The following NAV2 variants were observed in gnomAD, a reference collection of about 807,000 sequenced individuals.
NAV2 encodes helicase, APC down-regulated 1.
A neutral mutation model predicts 223.2 loss-of-function variants in NAV2; 54 were observed. That is an observed-to-expected ratio of 0.24 (90% CI 0.19 to 0.30). The LOEUF (loss-of-function observed/expected upper bound fraction) is 0.30, where lower values mean the gene tolerates loss of function less well. Among genes scored for constraint, NAV2 ranks in the 10% least tolerant of loss-of-function variants. NAV2 has a pLI of 1.00. For synonymous variants in NAV2, 1,279 were observed against 1,239.3 expected, an observed-to-expected ratio of 1.03 and a Z score of -0.67; for missense variants, 2,806 against 3,147.5, an observed-to-expected ratio of 0.89 and a Z score of 2.60.
intron 6 of NAV2, among the ~76,000 whole-genome samples, chr11:19,899,816 C>T (rs2042293278): frequency 6.6e-6 from 1 of 152,134 alleles, no homozygotes; most frequent in Non-Finnish European, 1.5e-5. Flanking sequence ...CCTGCCCTTC[C>T]TGATCTGGGT....
intron 6 of NAV2, among the ~76,000 whole-genome samples, chr11:19,929,433 G>A (rs769377250): frequency 3.4e-4 from 51 of 152,100 alleles, no homozygotes; most frequent in Non-Finnish European, 5.3e-4. Context: ...GCTGTGACAT[G>A]AGTGTAGAAT....
At chr11:19,454,903 T>C (rs916445714) in intron 1 of NAV2, among the ~76,000 whole-genome samples, 13 of 152,062 alleles carry the variant, frequency 8.5e-5, no homozygotes, top group African/African-American at 2.7e-4. Context: ...AAAAAGAAGG[T>C]CCTGTGGCTA....
intron 1 of NAV2, among the ~76,000 whole-genome samples, chr11:19,398,044 G>A (rs903640937): frequency 7.2e-5 from 11 of 152,148 alleles, no homozygotes; most frequent in South Asian, 2.1e-4. Context: ...CTTCCCCCGC[G>A]TATTAGATCA....
At chr11:19,868,677 A>G (rs1370561284) in intron 3 of NAV2, among the ~76,000 whole-genome samples, 2 of 152,104 alleles carry the variant, frequency 1.3e-5, no homozygotes, top group African/African-American at 4.8e-5. Context: ...TCAAGATGAG[A>G]GCTCCCATTC....
chr11:19,463,594 G>A (rs569174398), intron 1 of NAV2, among the ~76,000 whole-genome samples: 73 of 152,368 alleles, frequency 4.8e-4, no homozygotes, highest in African/African-American at 1.5e-3. Context: ...GCCACGATAA[G>A]GGAAAGCAGA....
intron 1 of NAV2, among the ~76,000 whole-genome samples, chr11:19,394,286 T>A (rs1266187110): frequency 6.6e-6 from 1 of 152,174 alleles, no homozygotes; most frequent in African/African-American, 2.4e-5. Flanking sequence ...ATTTCTCTTT[T>A]AGGTATAGAC....
At chr11:19,637,346 T>A (rs1483615851) in intron 1 of NAV2, among the ~76,000 whole-genome samples, 1 of 152,162 alleles carries the variant, frequency 6.6e-6, no homozygotes, top group Non-Finnish European at 1.5e-5. Flanking sequence ...TGATCTTGCC[T>A]CCACCTTCAA....
intron 1 of NAV2, among the ~76,000 whole-genome samples, chr11:19,500,681 C>G (rs909087866): frequency 6.6e-6 from 1 of 152,154 alleles, no homozygotes; most frequent in Non-Finnish European, 1.5e-5. Context: ...AATAACAATA[C>G]TAATGATATT....
At chr11:19,361,209 T>A (rs1225952055) in intron 1 of NAV2, among the ~76,000 whole-genome samples, 1 of 98,058 alleles carries the variant, frequency 1.0e-5, no homozygotes, top group Non-Finnish European at 2.4e-5. Flanking sequence ...TGGTGCTGAC[T>A]AAAAGTGAGC....
At chr11:19,974,036 T>C (rs1461668154) in intron 10 of NAV2, among the ~76,000 whole-genome samples, 1 of 152,218 alleles carries the variant, frequency 6.6e-6, no homozygotes, top group Admixed American at 6.5e-5. Flanking sequence ...GGGGATCAGC[T>C]TCAACCTAGG....
chr11:19,487,149 C>T (rs2702709), intron 1 of NAV2, among the ~76,000 whole-genome samples: 1,836 of 152,288 alleles, frequency 0.012, 36 homozygotes, highest in African/African-American at 0.043. Context: ...CTGTCCTGCT[C>T]TCTGAGCCTG....
At chr11:19,519,114 T>A (rs2043559371) in intron 1 of NAV2, among the ~76,000 whole-genome samples, 1 of 152,244 alleles carries the variant, frequency 6.6e-6, no homozygotes, top group African/African-American at 2.4e-5. Context: ...TATTTTGTTA[T>A]AGCAGCCTGA....
chr11:19,753,641 G>A (rs1270165018), intron 1 of NAV2, among the ~76,000 whole-genome samples: 1 of 152,236 alleles, frequency 6.6e-6, no homozygotes, highest in Non-Finnish European at 1.5e-5. Flanking sequence ...CTTGAGAACA[G>A]CAAATGTGTC....
chr11:19,423,625 G>C (rs1439219300), intron 1 of NAV2, among the ~76,000 whole-genome samples: 6 of 152,182 alleles, frequency 3.9e-5, no homozygotes. Context: ...TTCCTCTAAG[G>C]CAAGTACGAT....
chr11:19,685,557 A>G (rs2049000615), intron 1 of NAV2, among the ~76,000 whole-genome samples: 2 of 152,154 alleles, frequency 1.3e-5, no homozygotes, highest in South Asian at 4.2e-4. Flanking sequence ...AAATTCCTTC[A>G]TTCTGCAAAG....
chr11:19,711,992 C>A (rs2049902720), upstream of NAV2: 1 of 152,284 alleles, frequency 6.6e-6, no homozygotes, highest in Non-Finnish European at 1.5e-5. Flanking sequence ...GGCTGGCCTG[C>A]CTGATCATCT....
intron 1 of NAV2, among the ~76,000 whole-genome samples, chr11:19,408,221 T>C (rs1465249169): frequency 6.6e-6 from 1 of 152,180 alleles, no homozygotes; most frequent in Non-Finnish European, 1.5e-5. Flanking sequence ...CCAATACACA[T>C]TGAAGCTTTA....
chr11:20,010,174 C>T (rs1010843828), intron 11 of NAV2, among the ~76,000 whole-genome samples: 2 of 151,932 alleles, frequency 1.3e-5, no homozygotes. Context: ...AACCCCACCC[C>T]CTTCCCTTCT....
At chr11:19,686,652 G>C (rs557107824) in intron 1 of NAV2, among the ~76,000 whole-genome samples, 7 of 152,332 alleles carry the variant, frequency 4.6e-5, no homozygotes, top group African/African-American at 1.7e-4. Context: ...CTGCCCAGGT[G>C]GGGAGGACCC....
Sources: gnomAD v4.1 joint callset for allele counts (sites outside exome capture counted in the v4.1 genomes callset) on GRCh38, gnomAD v4.1.1 for gene constraint, MANE v1.5 for transcripts, NCBI Gene and HGNC (gene_info 2026-07-23, HGNC 2026-07-21) for gene names.